Variants in TFAP2E observed in about 807,000 individuals in gnomAD.
The protein encoded by TFAP2E is transcription factor AP-2-epsilon.
TFAP2E carries 30 observed loss-of-function variants against 37.9 expected under a neutral mutation model. The observed-to-expected ratio is 0.79, with a 90% CI of 0.59 to 1.07. The LOEUF (loss-of-function observed/expected upper bound fraction) is 1.07. Among genes scored for constraint, TFAP2E ranks in the 50% least tolerant of loss-of-function variants. TFAP2E has a pLI of 0.00. For missense variants in TFAP2E, 567 were observed against 637.9 expected, an observed-to-expected ratio of 0.89 and a Z score of 1.20; for synonymous variants, 318 against 295.8, an observed-to-expected ratio of 1.08 and a Z score of -0.77.
Position 35,581,720 on chromosome 1 carries a change from G to A in TFAP2E, c.563-6610G>A, listed in dbSNP as rs181235661. On this transcript the variant is annotated intron_variant, in intron 3 of 6. Coordinates refer to ENST00000373235, the MANE Select transcript of TFAP2E (RefSeq NM_178548.4). ...CCTGAGTAGCTGGGATTACAGGTGC[G>A]TGACACCACGTCCGGCTAATTTTGT... Among the ~76,000 whole-genome samples the A allele has an allele frequency of 1.1e-4, 16 of 151,616 alleles. No individual in the cohort carries two copies. The East Asian group carries it at 1.2e-3, about 11-fold the overall frequency.
At chr1:35,579,877 T>C (rs1157096287) in intron 3 of TFAP2E, among the ~76,000 whole-genome samples, 1 of 152,072 alleles carries the variant, frequency 6.6e-6, no homozygotes, top group Admixed American at 6.6e-5. Flanking sequence ...ATGGAAAACC[T>C]TGGAGCAGGG....
Position 35,573,725 on chromosome 1 carries a change from C to G in TFAP2E, c.27+121C>G. On this transcript the variant is annotated intron_variant, in intron 1 of 6. Transcript: ENST00000373235. This position sits in a 1 kb window ranked among gnomAD's most constrained non-coding sequence, Gnocchi z 5.9. ...CGGAGGGAGGGGGCCGCAGGGACTT[C>G]GCCAGCTGAGAACGCGATGCGCAAG... 6.9e-7 allele frequency: 1 copy of G among 1,449,210 alleles called. No homozygotes were observed. The highest frequency in any genetic ancestry group is 9.2e-7 in the Non-Finnish European group (1 of 1,091,448). The allele number at this position is 1,449,210 out of a possible 1,614,324, so 89.8% of individuals were successfully genotyped here.
intron 2 of TFAP2E, 49 bp from the exon 3 acceptor site, chr1:35,574,900 G>A (rs763368217): frequency 6.2e-7 from 1 of 1,612,874 alleles, no homozygotes; most frequent in Non-Finnish European, 8.5e-7. Context: ...GGAAGACATG[G>A]GCGGCTAGGG....
rs1487683606 is a variant in TFAP2E, at chr1:35,590,333, G to A, written c.904+285G>A. 3.3e-5 allele frequency among the ~76,000 whole-genome samples: 5 copies of A among 152,016 alleles called. No homozygotes were observed. Among genetic ancestry groups the A allele is most frequent in the Admixed American group, 6.6e-5 (1 of 15,262 alleles). On this transcript the variant is annotated intron_variant, in intron 5 of 6. Coordinates refer to ENST00000373235, the MANE Select transcript of TFAP2E (RefSeq NM_178548.4). This position sits in a 1 kb window ranked among gnomAD's most constrained non-coding sequence, Gnocchi z 6.2. ...GTGTGGGTGTGTGTGTTGGCGGGGA[G>A]TGGCCAGTGTTTGGATGTGGTAAAG...
At chr1:35,582,673 A>G (rs933955901) in intron 3 of TFAP2E, among the ~76,000 whole-genome samples, 1 of 151,154 alleles carries the variant, frequency 6.6e-6, no homozygotes, top group Admixed American at 6.6e-5. Context: ...TTTTAGAGAT[A>G]GGTCTCACTA....
chr1:35,591,363 C>T (rs555598706), intron 6 of TFAP2E, among the ~76,000 whole-genome samples: 61 of 152,284 alleles, frequency 4.0e-4, no homozygotes, highest in African/African-American at 1.3e-3. Context: ...TACTCCCCAT[C>T]GCAGGTCTGA....
Position 35,594,705 on chromosome 1 carries a change from C to T in TFAP2E, c.*29C>T. ...CTTCTCCCACCCCATCCCTAAGGGG[C>T]TCCCAGGCCCTGAAATAGGGACTTA... On this transcript the variant is annotated 3_prime_UTR_variant, in exon 7 of 7. Transcript: ENST00000373235. 1 of 1,612,230 alleles carries T rather than the reference C, an allele frequency of 6.2e-7. No homozygotes were observed.
At chr1:35,591,997 A>G (rs533246632) in intron 6 of TFAP2E, among the ~76,000 whole-genome samples, 2 of 152,232 alleles carry the variant, frequency 1.3e-5, no homozygotes, top group Admixed American at 6.5e-5. Context: ...CCCAAGATTT[A>G]GTTTTTCAGG....
intron 4 of TFAP2E, among the ~76,000 whole-genome samples, chr1:35,589,489 T>A (rs893171239): frequency 1.3e-5 from 2 of 150,092 alleles, no homozygotes; most frequent in Admixed American, 1.3e-4. Flanking sequence ...TCTCTATTCT[T>A]TCACGTGTGT....
Position 35,577,535 on chromosome 1 carries a change from G to A in TFAP2E, c.562+2535G>A, listed in dbSNP as rs751260176. On this transcript the variant is annotated intron_variant, in intron 3 of 6. Transcript: ENST00000373235. This position sits in a 1 kb window ranked among gnomAD's most constrained non-coding sequence, Gnocchi z 6.3. Reference sequence around the variant, plus strand: ...CGCTCTTTGGCCACCTGAAGCGTCGGATCCCTACAGTGCCTCCCAGCCTGG... The same window carrying A: ...CGCTCTTTGGCCACCTGAAGCGTCGAATCCCTACAGTGCCTCCCAGCCTGG... 2.2e-6 allele frequency: 1 copy of A among 449,204 alleles called. No homozygotes were observed. Among genetic ancestry groups the A allele is most frequent in the South Asian group, 1.6e-5 (1 of 64,090 alleles). 27.8% of individuals were successfully genotyped at this position (449,204 alleles called of 1,614,324 possible).
In TFAP2E at chr1:35,594,388, C is replaced by T. The variant is rs1649770712; in HGVS notation, c.1047-6C>T. 18 of 1,610,898 alleles carry T rather than the reference C, an allele frequency of 1.1e-5. 1 individual carries two copies. The East Asian group carries it at 3.8e-4, about 34-fold the overall frequency. Reference sequence around the variant, plus strand: ...CTCCAACCTCTGACCCTCCTTCTCGCACCAGGCAGATCTGCAAGGAGTTTG... The same window carrying T: ...CTCCAACCTCTGACCCTCCTTCTCGTACCAGGCAGATCTGCAAGGAGTTTG... On this transcript the variant is annotated splice_region_variant and splice_polypyrimidine_tract_variant and intron_variant, in intron 6 of 6. Coordinates refer to ENST00000373235, the MANE Select transcript of TFAP2E (RefSeq NM_178548.4).
intron 3 of TFAP2E, among the ~76,000 whole-genome samples, chr1:35,582,289 T>G (rs1649370790): frequency 6.6e-6 from 1 of 152,172 alleles, no homozygotes; most frequent in Admixed American, 6.5e-5. Flanking sequence ...TAACCATTCA[T>G]CTCTCATTTT....
intron 2 of TFAP2E, 102 bp from the exon 3 acceptor site, chr1:35,574,847 G>A (rs1557431867): frequency 2.8e-5 from 43 of 1,527,600 alleles, no homozygotes; most frequent in East Asian, 1.1e-4. Context: ...AAGCTGGTGC[G>A]CCTTGGGCGG....
intron 4 of TFAP2E, among the ~76,000 whole-genome samples, chr1:35,589,692 T>A: frequency 6.6e-6 from 1 of 151,994 alleles, no homozygotes; most frequent in East Asian, 1.9e-4. Context: ...TTGAGAGGAT[T>A]AGAGTGAACT....
At chr1:35,579,145 C>T (rs1184705507) in intron 3 of TFAP2E, among the ~76,000 whole-genome samples, 1 of 147,238 alleles carries the variant, frequency 6.8e-6, no homozygotes, top group Non-Finnish European at 1.5e-5. Context: ...CATGTGATCC[C>T]AGCACTTTGG....
At chr1:35,584,980 C>T (rs995081778) in intron 3 of TFAP2E, among the ~76,000 whole-genome samples, 2 of 152,176 alleles carry the variant, frequency 1.3e-5, no homozygotes, top group Non-Finnish European at 2.9e-5. Context: ...ACCCTGCCCT[C>T]CACACACTCA....
At position 35,577,533 on chromosome 1, in the gene TFAP2E, C is replaced by G. The variant is rs76107486; in HGVS notation, c.562+2533C>G. The G allele has an allele frequency of 4.5e-3, 2,027 of 449,514 alleles. 38 individuals carry two copies. Among genetic ancestry groups the G allele is most frequent in the African/African-American group, 0.037 (1,831 of 50,024 alleles). 27.8% of individuals were successfully genotyped at this position (449,514 alleles called of 1,614,324 possible). ...GTCGCTCTTTGGCCACCTGAAGCGT[C>G]GGATCCCTACAGTGCCTCCCAGCCT... On this transcript the variant is annotated intron_variant, in intron 3 of 6. Coordinates refer to ENST00000373235, the MANE Select transcript of TFAP2E (RefSeq NM_178548.4). This position sits in a 1 kb window ranked among gnomAD's most constrained non-coding sequence, Gnocchi z 6.3.
In TFAP2E at chr1:35,590,901, G is replaced by A. The variant is rs1649647028; in HGVS notation, c.1046+126G>A. On this transcript the variant is annotated intron_variant, in intron 6 of 6. Transcript: ENST00000373235. The surrounding 1 kb of genome is among the most constrained non-coding windows in gnomAD (Gnocchi z 6.2). ...CACATGCGTATTTGCGCACCACTGT[G>A]TACACGAGCAGTGGGCACACACACA... 1.8e-6 allele frequency: 2 copies of A among 1,140,994 alleles called. No homozygotes were observed. The highest frequency in any genetic ancestry group is 2.3e-6 in the Non-Finnish European group (2 of 886,396). 70.7% of individuals were successfully genotyped at this position (1,140,994 alleles called of 1,614,324 possible). A position where few individuals can be genotyped will look rare whatever the true frequency, so the allele number is the denominator to read the frequency against.
In TFAP2E at chr1:35,573,904, A is replaced by G. The variant is rs769916549; in HGVS notation, c.28-23A>G. On this transcript the variant is annotated intron_variant, in intron 1 of 6. Coordinates refer to ENST00000373235, the MANE Select transcript of TFAP2E (RefSeq NM_178548.4). The surrounding 1 kb of genome is among the most constrained non-coding windows in gnomAD (Gnocchi z 5.9). ...CCTTTCAGCTGCCAGTGGGTCACCT[A>G]AGGCACCCCTCTCCTTCCCCAGGAG... is the stretch of plus-strand genomic sequence containing the variant. The G allele has an allele frequency of 5.5e-6, 8 of 1,446,204 alleles. No individual in the cohort carries two copies. In the African/African-American group the frequency reaches 1.2e-4, roughly 22 times the overall value. The allele number at this position is 1,446,204 out of a possible 1,614,324, so 89.6% of individuals were successfully genotyped here. A position where few individuals can be genotyped will look rare whatever the true frequency, so the allele number is the denominator to read the frequency against.
Sources: allele counts gnomAD v4.1 joint callset (sites outside exome capture counted in the v4.1 genomes callset), GRCh38; gene constraint gnomAD v4.1.1; non-coding constraint Gnocchi (gnomAD v3.1); transcripts MANE v1.5; gene names NCBI Gene and HGNC (gene_info 2026-07-23, HGNC 2026-07-21).